ANKRD31: variants seen among roughly 807,000 people sequenced by gnomAD.
ANKRD31 encodes the protein ankyrin repeat domain-containing protein 31.
Under a neutral mutation model 186.0 loss-of-function variants are expected in ANKRD31, and 147 were observed. The observed-to-expected ratio is 0.79, with a 90% CI of 0.69 to 0.91. The LOEUF (loss-of-function observed/expected upper bound fraction) is 0.91, where lower values mean the gene tolerates loss of function less well. Ranked by LOEUF, ANKRD31 falls within the 40% of genes least tolerant of loss-of-function variation. The pLI, the probability that ANKRD31 is intolerant of heterozygous loss-of-function variation, is 0.00. For missense variants in ANKRD31, 1,986 were observed against 2,148.8 expected (o/e 0.92, Z 1.50); for synonymous variants, 673 against 736.4 (o/e 0.91, Z 1.39).
chr5:75,131,635 C>T (rs1001083913), intron 17 of ANKRD31, among the ~76,000 whole-genome samples: 2 of 152,164 alleles, frequency 1.3e-5, no homozygotes, highest in East Asian at 1.9e-4. Context: ...CTTAAACGTC[C>T]CTGTCTGACA....
At chr5:75,177,666 T>C (rs190666687) in intron 10 of ANKRD31, among the ~76,000 whole-genome samples, 148 of 152,212 alleles carry the variant, frequency 9.7e-4, no homozygotes, top group South Asian at 4.8e-3. Context: ...TAAAATACTT[T>C]ACAGACAAGC....
intron 9 of ANKRD31, among the ~76,000 whole-genome samples, chr5:75,191,094 C>T (rs1755079569): frequency 6.6e-6 from 1 of 152,170 alleles, no homozygotes; most frequent in Middle Eastern, 3.4e-3. Context: ...AAGACTTTCT[C>T]CACACCAAGG....
chr5:75,190,089 G>A (rs903907705), intron 9 of ANKRD31, among the ~76,000 whole-genome samples: 1 of 151,464 alleles, frequency 6.6e-6, no homozygotes, highest in South Asian at 2.1e-4. Context: ...GTGCAATCAC[G>A]GCTCATTGCA....
chr5:75,108,004 A>AT (rs1747470939), intron 20 of ANKRD31, among the ~76,000 whole-genome samples: 1 of 151,838 alleles, frequency 6.6e-6, no homozygotes, highest in African/African-American at 2.4e-5. Flanking sequence ...ACATTGTAAA[A>AT]TTTTTTCAAG....
At chr5:75,171,667 A>G (rs1246456637) in intron 10 of ANKRD31, among the ~76,000 whole-genome samples, 2 of 151,750 alleles carry the variant, frequency 1.3e-5, no homozygotes, top group Non-Finnish European at 2.9e-5. Context: ...CGATTCTTGA[A>G]AAAAATCAAT....
chr5:75,136,405 A>G (rs1281534027), intron 17 of ANKRD31, among the ~76,000 whole-genome samples: 1 of 152,246 alleles, frequency 6.6e-6, no homozygotes, highest in African/African-American at 2.4e-5. Flanking sequence ...CAACAGACAC[A>G]TGAAAAAAAG....
chr5:75,202,566 T>C (rs1755890301), intron 5 of ANKRD31, among the ~76,000 whole-genome samples: 1 of 152,224 alleles, frequency 6.6e-6, no homozygotes, highest in East Asian at 1.9e-4. Flanking sequence ...GTTTAACTTA[T>C]ACACAAAATT....
intron 24 of ANKRD31, among the ~76,000 whole-genome samples, chr5:75,083,760 C>T (rs530481734): frequency 1.0e-3 from 158 of 151,842 alleles, no homozygotes; most frequent in African/African-American, 3.7e-3. Context: ...GGGGGAAGCA[C>T]CCTAATGCCC....
chr5:75,137,806 T>C (rs1390187682), intron 17 of ANKRD31, 50 bp downstream of exon 17: 2 of 1,345,610 alleles, frequency 1.5e-6, no homozygotes, highest in South Asian at 4.2e-5. Flanking sequence ...ATTTTCTTCA[T>C]TCATTTCCTA....
intron 25 of ANKRD31, among the ~76,000 whole-genome samples, chr5:75,070,252 G>T (rs1387930382): frequency 6.6e-6 from 1 of 152,102 alleles, no homozygotes; most frequent in East Asian, 1.9e-4. Flanking sequence ...AAAACCCATA[G>T]AAATAAATCT....
chr5:75,084,727 T>C (rs1328826537), intron 23 of ANKRD31, among the ~76,000 whole-genome samples: 1 of 152,222 alleles, frequency 6.6e-6, no homozygotes, highest in African/African-American at 2.4e-5. Context: ...TATTCACTTA[T>C]TCAACAACTA....
At chr5:75,119,214 A>G (rs529187889) in intron 17 of ANKRD31, among the ~76,000 whole-genome samples, 52 of 152,330 alleles carry the variant, frequency 3.4e-4, no homozygotes, top group African/African-American at 1.2e-3. Context: ...TAGTAAGCAT[A>G]GTACTCAACA....
chr5:75,157,142 T>C (rs1752236506), intron 11 of ANKRD31, among the ~76,000 whole-genome samples: 1 of 152,150 alleles, frequency 6.6e-6, no homozygotes, highest in South Asian at 2.1e-4. Context: ...TCATCTTAGA[T>C]AATGCATATA....
intron 2 of ANKRD31, among the ~76,000 whole-genome samples, chr5:75,230,230 G>T (rs914180745): frequency 3.3e-5 from 5 of 152,108 alleles, no homozygotes; most frequent in African/African-American, 1.2e-4. Flanking sequence ...ATAGGCTTTG[G>T]TCACACTCAA....
chr5:75,121,041 A>C (rs1293129508), intron 17 of ANKRD31, among the ~76,000 whole-genome samples: 1 of 151,774 alleles, frequency 6.6e-6, no homozygotes. Context: ...AAATTAGCTG[A>C]GTGTGGTGGC....
chr5:75,122,094 T>A (rs1013150962), intron 17 of ANKRD31, among the ~76,000 whole-genome samples: 3 of 150,270 alleles, frequency 2.0e-5, no homozygotes, highest in African/African-American at 7.4e-5. Context: ...AGAAAGAATA[T>A]CTAAATAAAC....
At chr5:75,149,771 A>C (rs1751724447) in intron 12 of ANKRD31, among the ~76,000 whole-genome samples, 1 of 151,940 alleles carries the variant, frequency 6.6e-6, no homozygotes, top group Non-Finnish European at 1.5e-5. Flanking sequence ...GGTATAGAGA[A>C]AGTGCTCCAT....
At chr5:75,176,053 A>G (rs142301396) in intron 10 of ANKRD31, among the ~76,000 whole-genome samples, 2 of 152,156 alleles carry the variant, frequency 1.3e-5, no homozygotes, top group African/African-American at 4.8e-5. Flanking sequence ...CGCTTTTCCA[A>G]CAGGCTTAAC....
chr5:75,234,023 T>C (rs1486053310), intron 1 of ANKRD31, among the ~76,000 whole-genome samples: 1 of 152,196 alleles, frequency 6.6e-6, no homozygotes, highest in Non-Finnish European at 1.5e-5. Flanking sequence ...AACAAAAAAT[T>C]AAAAACAAAC....
Sources: allele counts gnomAD v4.1 joint callset (sites outside exome capture counted in the v4.1 genomes callset), GRCh38; gene constraint gnomAD v4.1.1; transcripts MANE v1.5; gene names NCBI Gene and HGNC (gene_info 2026-07-23, HGNC 2026-07-21).